Variants in ASIC2 observed in about 807,000 individuals in gnomAD.
ASIC2 encodes acid-sensing ion channel 2.
In ASIC2, 25 loss-of-function variants were observed where a neutral mutation model predicts 57.3. The observed-to-expected ratio is 0.44, with a 90% CI of 0.32 to 0.61. The LOEUF is 0.61. Among genes scored for constraint, ASIC2 ranks in the 20% least tolerant of loss-of-function variants. The pLI is 0.06. For synonymous variants in ASIC2, 319 were observed against 307.5 expected (o/e 1.04, Z -0.39); for missense variants, 641 against 738.1 (o/e 0.87, Z 1.52).
At chr17:33,587,208 A>G (rs558630632) in intron 1 of ASIC2, among the ~76,000 whole-genome samples, 2 of 152,328 alleles carry the variant, frequency 1.3e-5, no homozygotes, top group Admixed American at 1.3e-4. Flanking sequence ...ATAGCCTGCA[A>G]TGCTGGAAAT....
At chr17:33,662,668 T>TAAGTAAAA (rs1907319372) in intron 1 of ASIC2, among the ~76,000 whole-genome samples, 2 of 128,054 alleles carry the variant, frequency 1.6e-5, no homozygotes, top group Admixed American at 7.6e-5. Context: ...AATAAATAAA[T>TAAGTAAAA]AAGTAAAATA....
chr17:33,659,732 C>T (rs933503714), intron 1 of ASIC2, among the ~76,000 whole-genome samples: 9 of 151,710 alleles, frequency 5.9e-5, no homozygotes, highest in Admixed American at 1.3e-4. Context: ...ATTAGCCGGG[C>T]GAGGTGGCAG....
intron 1 of ASIC2, among the ~76,000 whole-genome samples, chr17:34,100,551 G>A (rs983904664): frequency 1.3e-5 from 2 of 152,110 alleles, no homozygotes; most frequent in East Asian, 1.9e-4. Flanking sequence ...CCAGAAGAGC[G>A]TCCGGCCCTC....
chr17:33,508,854 C>T (rs771027458), intron 1 of ASIC2, among the ~76,000 whole-genome samples: 14 of 152,176 alleles, frequency 9.2e-5, no homozygotes, highest in Non-Finnish European at 1.5e-4. Flanking sequence ...AGAAAAAGCC[C>T]TGTCAATATT....
At chr17:34,095,702 GAT>G (rs1483591310) in intron 1 of ASIC2, among the ~76,000 whole-genome samples, 3 of 129,340 alleles carry the variant, frequency 2.3e-5, no homozygotes, top group South Asian at 4.9e-4. Context: ...TTTATATAGA[GAT>G]ATATAATTTT....
intron 1 of ASIC2, among the ~76,000 whole-genome samples, chr17:33,826,280 T>G (rs1296469030): frequency 6.6e-6 from 1 of 152,226 alleles, no homozygotes; most frequent in Non-Finnish European, 1.5e-5. Flanking sequence ...TAGTTCCTCT[T>G]AGAACTGCCC....
At position 33,736,828 on chromosome 17, in the gene ASIC2, A is replaced by G. The variant is rs979460214; in HGVS notation, c.555+419150T>C. ...TTGAAGTCCCAAATCAAATCATACCATGTACTTTACACGGAAACGTGCTTT... is the reference window on the plus strand; with the variant it reads ...TTGAAGTCCCAAATCAAATCATACCGTGTACTTTACACGGAAACGTGCTTT... On this transcript the variant is annotated intron_variant, in intron 1 of 9. Transcript: ENST00000359872. Among the ~76,000 whole-genome samples the G allele has an allele frequency of 4.2e-5, 5 of 120,052 alleles. No homozygotes were observed. In the South Asian group the frequency reaches 1.1e-3, roughly 26 times the overall value. The allele number at this position is 120,052 out of a possible 152,430, so 78.8% of individuals were successfully genotyped here.
At chr17:33,175,067 C>A (rs574581465) in intron 1 of ASIC2, among the ~76,000 whole-genome samples, 1 of 152,174 alleles carries the variant, frequency 6.6e-6, no homozygotes, top group African/African-American at 2.4e-5. Flanking sequence ...TTCTTTCCGA[C>A]GAATAAAATT....
intron 1 of ASIC2, among the ~76,000 whole-genome samples, chr17:34,090,320 A>G (rs1910280303): frequency 6.6e-6 from 1 of 152,178 alleles, no homozygotes; most frequent in Non-Finnish European, 1.5e-5. Context: ...CACAGTGCCT[A>G]TTGTATTTAT....
chr17:33,542,372 AG>A (rs1364062778), intron 1 of ASIC2, among the ~76,000 whole-genome samples: 1 of 129,530 alleles, frequency 7.7e-6, no homozygotes, highest in African/African-American at 3.0e-5. Context: ...ACAGTGTAAA[AG>A]TGTTCCTATT....
chr17:33,590,767 T>G (rs1904801828), intron 1 of ASIC2, among the ~76,000 whole-genome samples: 2 of 152,192 alleles, frequency 1.3e-5, no homozygotes, highest in Non-Finnish European at 2.9e-5. Context: ...TCCTGAGACA[T>G]ACAAAGGAAG....
intron 1 of ASIC2, among the ~76,000 whole-genome samples, chr17:33,470,651 T>C (rs1913019551): frequency 1.3e-5 from 2 of 152,192 alleles, no homozygotes; most frequent in South Asian, 2.1e-4. Flanking sequence ...CTTGCTGGGA[T>C]AGTGGGACTC....
At chr17:33,454,152 A>G (rs1912367906) in intron 1 of ASIC2, among the ~76,000 whole-genome samples, 1 of 152,166 alleles carries the variant, frequency 6.6e-6, no homozygotes, top group Non-Finnish European at 1.5e-5. Context: ...CATTTCTTTT[A>G]CTTGTCCCCA....
intron 1 of ASIC2, among the ~76,000 whole-genome samples, chr17:33,813,495 G>A (rs963505157): frequency 6.6e-6 from 1 of 152,156 alleles, no homozygotes; most frequent in African/African-American, 2.4e-5. Context: ...GGAGTGCAGT[G>A]GCACAATCTT....
rs543572166 is a variant in ASIC2, at chr17:33,323,877, C to G, written c.556-211810G>C. ...AGTTGGCAGTGGGAGTTACTAGAAA[C>G]AAGCGTGGAAAGTGTTTCATTGGTG... On this transcript the variant is annotated intron_variant, in intron 1 of 9. Coordinates refer to the ASIC2 transcript ENST00000359872. 4.6e-5 allele frequency among the ~76,000 whole-genome samples: 7 copies of G among 151,914 alleles called. No homozygotes were observed. In the South Asian group the frequency reaches 1.4e-3, roughly 31 times the overall value.
rs369540388 is a variant in ASIC2 at position 33,177,481 on chromosome 17, G to T, written c.709-65414C>A. 4.6e-5 allele frequency among the ~76,000 whole-genome samples: 7 copies of T among 152,182 alleles called. No individual in the cohort carries two copies. The East Asian group carries it at 7.7e-4, about 17-fold the overall frequency. On this transcript the variant is annotated intron_variant, in intron 1 of 9. Coordinates refer to ENST00000225823, the MANE Select transcript of ASIC2 (RefSeq NM_183377.2). ...CAGATAAAGGGGACACCAAACACAAGTCACAATTGGTGGACAAAGCTGGGA... is the reference window on the plus strand; with the variant it reads ...CAGATAAAGGGGACACCAAACACAATTCACAATTGGTGGACAAAGCTGGGA...
intron 1 of ASIC2, among the ~76,000 whole-genome samples, chr17:33,754,753 G>C (rs1438366294): frequency 6.6e-6 from 1 of 151,858 alleles, no homozygotes; most frequent in East Asian, 1.9e-4. Context: ...TCAGGAGATC[G>C]AGACCATCCT....
chr17:33,974,276 A>T (rs1028241583), intron 1 of ASIC2, among the ~76,000 whole-genome samples: 1 of 152,104 alleles, frequency 6.6e-6, no homozygotes, highest in African/African-American at 2.4e-5. Flanking sequence ...CCCAAGTCTC[A>T]GTGTCTTCAG....
At chr17:33,894,545 C>T (rs1915045985) in intron 1 of ASIC2, among the ~76,000 whole-genome samples, 1 of 152,086 alleles carries the variant, frequency 6.6e-6, no homozygotes, top group African/African-American at 2.4e-5. Flanking sequence ...TGAGAGCCCA[C>T]ATTTTGCCGT....
Sources: gnomAD v4.1 joint callset for allele counts (sites outside exome capture counted in the v4.1 genomes callset) on GRCh38, gnomAD v4.1.1 for gene constraint, MANE v1.5 for transcripts, NCBI Gene and HGNC (gene_info 2026-07-23, HGNC 2026-07-21) for gene names.